RNF145: variants seen among roughly 807,000 people sequenced by gnomAD.
RNF145 encodes the protein ring finger protein 145.
Under a neutral mutation model 57.3 loss-of-function variants are expected in RNF145, and 12 were observed. That is an observed-to-expected ratio of 0.21 (90% CI 0.13 to 0.34). The LOEUF (loss-of-function observed/expected upper bound fraction) is 0.34, where lower values mean the gene tolerates loss of function less well. Among genes scored for constraint, RNF145 ranks in the 10% least tolerant of loss-of-function variants. RNF145 has a pLI of 1.00. For missense variants in RNF145, 429 were observed against 799.0 expected, an observed-to-expected ratio of 0.54 and a Z score of 5.58; for synonymous variants, 262 against 288.3, an observed-to-expected ratio of 0.91 and a Z score of 0.92.
At chr5:159,189,803 A>T (rs1173206675) in intron 3 of RNF145, among the ~76,000 whole-genome samples, 2 of 152,248 alleles carry the variant, frequency 1.3e-5, no homozygotes. Context: ...ACATGCATGA[A>T]TCTTGAAAAC....
At chr5:159,197,864 G>A (rs1485505251) in intron 2 of RNF145, among the ~76,000 whole-genome samples, 1 of 152,154 alleles carries the variant, frequency 6.6e-6, no homozygotes, top group Non-Finnish European at 1.5e-5. Flanking sequence ...GGCTGGGGTG[G>A]GAGGATCCCT....
chr5:159,198,661 T>A (rs552874668), intron 2 of RNF145, among the ~76,000 whole-genome samples: 1 of 152,330 alleles, frequency 6.6e-6, no homozygotes, highest in East Asian at 1.9e-4. Flanking sequence ...ATGAGTTCAG[T>A]GATTGACAAC....
At chr5:159,197,621 T>C (rs1440447833) in intron 2 of RNF145, among the ~76,000 whole-genome samples, 1 of 152,186 alleles carries the variant, frequency 6.6e-6, no homozygotes, top group Non-Finnish European at 1.5e-5. Context: ...GTATATATAA[T>C]CTAACAATTT....
At chr5:159,177,752 T>C (rs972038706) in intron 4 of RNF145, among the ~76,000 whole-genome samples, 2 of 152,022 alleles carry the variant, frequency 1.3e-5, no homozygotes, top group Non-Finnish European at 2.9e-5. Context: ...AATTTACCAG[T>C]GTATAATGTG....
upstream of RNF145, chr5:159,209,844 C>T: frequency 6.5e-7 from 1 of 1,536,006 alleles, no homozygotes; most frequent in Non-Finnish European, 8.7e-7. Context: ...CGCTCACACC[C>T]ACACTCACCT....
intron 4 of RNF145, among the ~76,000 whole-genome samples, chr5:159,180,062 C>T (rs1184955404): frequency 6.6e-6 from 1 of 152,018 alleles, no homozygotes; most frequent in Non-Finnish European, 1.5e-5. Context: ...TAGCACTTCT[C>T]CCTCTCTCTC....
chr5:159,162,822 A>C, intron 9 of RNF145, 110 bp downstream of exon 9: 1 of 759,206 alleles, frequency 1.3e-6, no homozygotes. Context: ...AGAAGTTATC[A>C]CCTGAATAGT....
chr5:159,207,689 G>A, intron 1 of RNF145: 1 of 1,612,412 alleles, frequency 6.2e-7, no homozygotes, highest in Non-Finnish European at 8.5e-7. Flanking sequence ...CATAAGCAAT[G>A]GCACATGTTT....
chr5:159,162,199 A>G (rs144073436), intron 9 of RNF145, among the ~76,000 whole-genome samples: 1 of 152,318 alleles, frequency 6.6e-6, no homozygotes, highest in African/African-American at 2.4e-5. Context: ...ATATACATAT[A>G]TATTTATATA....
intron 9 of RNF145, among the ~76,000 whole-genome samples, chr5:159,161,893 A>T (rs1784229989): frequency 6.6e-6 from 1 of 152,226 alleles, no homozygotes; most frequent in African/African-American, 2.4e-5. Context: ...AATGATTCTG[A>T]TGAGTAATCA....
chr5:159,207,646 A>C, intron 1 of RNF145: 1 of 1,609,532 alleles, frequency 6.2e-7, no homozygotes, highest in South Asian at 1.1e-5. Context: ...AAAGCCCAGA[A>C]CTGAGATACC....
chr5:159,158,604 C>T lies in RNF145; in HGVS notation c.*66G>A. On this transcript the variant is annotated 3_prime_UTR_variant, in exon 11 of 11. Coordinates refer to ENST00000424310, the MANE Select transcript of RNF145 (RefSeq NM_001199383.2). ...CTCATTTTCATTCCTCAAATCAGAA[C>T]ATGAATTCCATCTTGAGTTAACTTC... is the stretch of plus-strand genomic sequence containing the variant. 1.3e-6 allele frequency: 2 copies of T among 1,529,652 alleles called. No individual in the cohort carries two copies. Among genetic ancestry groups the T allele is most frequent in the Non-Finnish European group, 1.8e-6 (2 of 1,131,490 alleles). 94.8% of individuals were successfully genotyped at this position (1,529,652 alleles called of 1,614,324 possible).
intron 1 of RNF145, chr5:159,207,483 C>T: frequency 1.3e-6 from 2 of 1,522,376 alleles, no homozygotes; most frequent in Non-Finnish European, 1.8e-6. Context: ...ACCATTATCT[C>T]CTTTCTTTCT....
At chr5:159,171,626 T>C (rs1784562128) in intron 6 of RNF145, among the ~76,000 whole-genome samples, 1 of 152,184 alleles carries the variant, frequency 6.6e-6, no homozygotes, top group South Asian at 2.1e-4. Context: ...TAATTTCTAT[T>C]TTCTGGCTGC....
intron 8 of RNF145, among the ~76,000 whole-genome samples, chr5:159,164,402 A>G (rs1784327939): frequency 6.6e-6 from 1 of 152,160 alleles, no homozygotes; most frequent in Non-Finnish European, 1.5e-5. Flanking sequence ...AACCTTAAAT[A>G]TATTTTTTAA....
At chr5:159,204,803 CAAA>C (rs1163143098) in intron 1 of RNF145, among the ~76,000 whole-genome samples, 9 of 47,048 alleles carry the variant, frequency 1.9e-4, no homozygotes, top group Admixed American at 6.4e-4. Flanking sequence ...GACTCCGTCT[CAAA>C]AAAAAAAAAA....
intron 3 of RNF145, 45 bp from the exon 4 acceptor site, chr5:159,182,096 T>A: frequency 6.0e-6 from 7 of 1,164,976 alleles, no homozygotes; most frequent in Non-Finnish European, 9.0e-6. Flanking sequence ...GATACATTCC[T>A]AGCGGAATCA....
intron 4 of RNF145, among the ~76,000 whole-genome samples, chr5:159,179,293 A>ATGGAC (rs1784806985): frequency 6.6e-6 from 1 of 152,110 alleles, no homozygotes; most frequent in African/African-American, 2.4e-5. Flanking sequence ...TGAAGTTCCA[A>ATGGAC]AAGAATAAGT....
rs894276299 is a variant in RNF145 at position 159,209,473 on chromosome 5, G to C, written c.-282C>G. ...ATCGTCCGCGGCAGCAGGCGCTCGCGGGCCGAGCCCCTTAGCAGCCGGCGC... is the reference window on the plus strand; with the variant it reads ...ATCGTCCGCGGCAGCAGGCGCTCGCCGGCCGAGCCCCTTAGCAGCCGGCGC... On this transcript the variant is annotated 5_prime_UTR_variant, in exon 1 of 11. Coordinates refer to ENST00000424310, the MANE Select transcript of RNF145 (RefSeq NM_001199383.2). 1.7e-4 allele frequency: 169 copies of C among 982,416 alleles called. No individual in the cohort carries two copies. In the African/African-American group the frequency reaches 2.8e-3, roughly 16 times the overall value. 60.9% of individuals were successfully genotyped at this position (982,416 alleles called of 1,614,324 possible).
Sources: allele counts gnomAD v4.1 joint callset (sites outside exome capture counted in the v4.1 genomes callset), GRCh38; gene constraint gnomAD v4.1.1; transcripts MANE v1.5; gene names NCBI Gene and HGNC (gene_info 2026-07-23, HGNC 2026-07-21).